Variants in TAPBPL observed in about 807,000 individuals in gnomAD.
The protein encoded by TAPBPL is TAP binding protein like, also known as tapasin-related protein.
In TAPBPL, 32 loss-of-function variants were observed where a neutral mutation model predicts 44.8. The observed-to-expected ratio is 0.71, with a 90% CI of 0.54 to 0.96. The LOEUF (loss-of-function observed/expected upper bound fraction) is 0.96, where lower values mean the gene tolerates loss of function less well. Among genes scored for constraint, TAPBPL ranks in the 40% least tolerant of loss-of-function variants. The pLI, the probability that TAPBPL is intolerant of heterozygous loss-of-function variation, is 0.00. For missense variants in TAPBPL, 520 were observed against 586.6 expected, an observed-to-expected ratio of 0.89 and a Z score of 1.17; for synonymous variants, 230 against 240.7, an observed-to-expected ratio of 0.96 and a Z score of 0.41.
downstream of TAPBPL, chr12:6,464,708 G>T: frequency 6.6e-7 from 1 of 1,507,886 alleles, no homozygotes. Context: ...GGGAAGGCTT[G>T]TCCATCAAAG....
In TAPBPL at chr12:6,452,061, C is replaced by A; in HGVS notation, c.-188C>A. 2 of 668,350 alleles carry A rather than the reference C, an allele frequency of 3.0e-6. No individual in the cohort carries two copies. The highest frequency in any genetic ancestry group is 5.2e-6 in the Non-Finnish European group (2 of 384,056). 41.4% of individuals were successfully genotyped at this position (668,350 alleles called of 1,614,324 possible). On this transcript the variant is annotated 5_prime_UTR_variant, in exon 1 of 7. Transcript: ENST00000266556. ...TGCTGCAGACGGCTTCACACAGGGA[C>A]GCGGGCTGCCATCTTGCTCTAAGTG...
Position 6,453,559 on chromosome 12 carries a change from T to A in TAPBPL, c.408T>A (p.Val136=), listed in dbSNP as rs1949621565. 1 of 1,614,068 alleles carries A rather than the reference T, an allele frequency of 6.2e-7. No individual in the cohort carries two copies. The highest frequency in any genetic ancestry group is 8.5e-7 in the Non-Finnish European group (1 of 1,180,036). ...TTCTCCAGATGACAGAGACCACTGT[T>A]AAGACAGCAGCTTGGTTCATGGCCA... The part of the protein sequence containing the change: ...RYFLQMTETT[V]KTAAWFMANM... The change falls in exon 3 of 7, where the codon GTT becomes GTA. Residue 136 remains valine (V), a synonymous_variant. Transcript: ENST00000266556. The surrounding 1 kb of genome is among the most constrained non-coding windows in gnomAD (Gnocchi z 4.8).
rs759912011 is a variant in TAPBPL, at chr12:6,457,729, C to T, written c.889C>T (p.Gln297Ter). 6.3e-7 allele frequency: 1 copy of T among 1,587,208 alleles called. No homozygotes were observed. ...TSLYRAQQII[Q>*]LNIQASPKVR... ...TCTGTACCGAGCTCAGCAGATCATC[C>T]AGCTCAACATCCAAGGTGAGGCCAG... Residue 297 changes from glutamine to a stop codon, truncating the protein, a stop_gained, in exon 4 of 7, where the codon CAG (glutamine) becomes TAG (stop). Coordinates refer to ENST00000266556, the MANE Select transcript of TAPBPL (RefSeq NM_018009.5). LOFTEE classifies it high-confidence loss of function.
At chr12:6,463,020 C>T (rs1949921512), downstream of TAPBPL, 1 of 1,548,370 alleles carries the variant, frequency 6.5e-7, no homozygotes, top group East Asian at 2.4e-5. The surrounding 1 kb of genome is among the most constrained non-coding windows in gnomAD (Gnocchi z 4.0). Flanking sequence ...GCATTCTCCG[C>T]TCTGTTCCCA....
chr12:6,463,548 T>C (rs1385348138), downstream of TAPBPL: 18 of 1,048,956 alleles, frequency 1.7e-5, no homozygotes, highest in Non-Finnish European at 2.1e-5. This position sits in a 1 kb window ranked among gnomAD's most constrained non-coding sequence, Gnocchi z 4.0. Context: ...AAGGAGTGGC[T>C]TCCTCTGAGC....
At chr12:6,464,715 A>G (rs761752803), downstream of TAPBPL, 71 of 1,510,030 alleles carry the variant, frequency 4.7e-5, no homozygotes, top group Non-Finnish European at 5.2e-5. Context: ...CTTGTCCATC[A>G]AAGAAATCCC....
chr12:6,470,220 G>A (rs1945735901), downstream of TAPBPL, among the ~76,000 whole-genome samples: 1 of 149,742 alleles, frequency 6.7e-6, no homozygotes, highest in African/African-American at 2.4e-5. Flanking sequence ...ACCACCCCCA[G>A]CCCCCGCCCT....
intron 5 of TAPBPL, 149 bp downstream of exon 5, chr12:6,459,096 A>C: frequency 1.1e-6 from 1 of 914,560 alleles, no homozygotes; most frequent in Non-Finnish European, 1.6e-6. Flanking sequence ...CTATTTTCCC[A>C]AGGCGGCAGC....
chr12:6,457,092 A>T (rs1425077915), intron 3 of TAPBPL, among the ~76,000 whole-genome samples: 1 of 152,172 alleles, frequency 6.6e-6, no homozygotes, highest in Admixed American at 6.5e-5. Context: ...TTTTTCTGCT[A>T]CTCTAGTAGT....
upstream of TAPBPL, chr12:6,451,976 AGGG>A (rs879747111): frequency 5.7e-6 from 3 of 525,960 alleles, no homozygotes; most frequent in African/African-American, 5.8e-5. Flanking sequence ...TGAAATCACC[AGGG>A]GATTTCCGGG....
At chr12:6,462,904 G>A, downstream of TAPBPL, 1 of 1,577,286 alleles carries the variant, frequency 6.3e-7, no homozygotes, top group Admixed American at 1.8e-5. Context: ...ATGGTTTTGA[G>A]CAATGAAATG....
chr12:6,467,013 TG>T (rs1268974327), downstream of TAPBPL: 2 of 170,804 alleles, frequency 1.2e-5, no homozygotes, highest in African/African-American at 4.8e-5. Flanking sequence ...TTTCTGCTTT[TG>T]CTTCTTCCAC....
downstream of TAPBPL, chr12:6,470,886 C>T (rs977126647): frequency 1.4e-5 from 5 of 348,890 alleles, no homozygotes; most frequent in Non-Finnish European, 2.6e-5. Flanking sequence ...GTGATCAATG[C>T]GACCATAGTT....
chr12:6,453,368 C>T lies in TAPBPL; in HGVS notation c.295+71C>T, dbSNP rs896208233. ...ACCAGGACAGCCCAGGTCCCGATTA[C>T]AGCCACACATACTGCCTCCCGTTGG... On this transcript the variant is annotated intron_variant, in intron 2 of 6. Transcript: ENST00000266556. This position sits in a 1 kb window ranked among gnomAD's most constrained non-coding sequence, Gnocchi z 4.8. 8 of 1,608,706 alleles carry T rather than the reference C, an allele frequency of 5.0e-6. No homozygotes were observed. In the African/African-American group the frequency reaches 9.4e-5, roughly 19 times the overall value.
chr12:6,462,339 ATACAAG>A, downstream of TAPBPL: 1 of 561,716 alleles, frequency 1.8e-6, no homozygotes. Flanking sequence ...TTATTACTCT[ATACAAG>A]TATGAGATCA....
At chr12:6,463,235 G>T (rs931434182), downstream of TAPBPL, 4 of 1,399,380 alleles carry the variant, frequency 2.9e-6, no homozygotes, top group Non-Finnish European at 3.7e-6. This position sits in a 1 kb window ranked among gnomAD's most constrained non-coding sequence, Gnocchi z 4.0. Flanking sequence ...ATATACTACA[G>T]GAAGAACAGA....
chr12:6,467,110 TCCAATTAAAC>T (rs1950041392), downstream of TAPBPL: 1 of 166,326 alleles, frequency 6.0e-6, no homozygotes, highest in African/African-American at 2.4e-5. Flanking sequence ...GAACTGTAAG[TCCAATTAAAC>T]CTCTTTTTCT....
At chr12:6,470,552 G>A, downstream of TAPBPL, 2 of 1,613,974 alleles carry the variant, frequency 1.2e-6, no homozygotes, top group Non-Finnish European at 1.7e-6. Context: ...GAGAGAGTGA[G>A]GGTCTGTTCC....
chr12:6,470,491 T>C, downstream of TAPBPL: 1 of 1,613,734 alleles, frequency 6.2e-7, no homozygotes, highest in Non-Finnish European at 8.5e-7. Context: ...GCGAGAGTTG[T>C]CAAGGAGGTG....
Sources: allele counts gnomAD v4.1 joint callset (sites outside exome capture counted in the v4.1 genomes callset), GRCh38; gene constraint gnomAD v4.1.1; non-coding constraint Gnocchi (gnomAD v3.1); transcripts MANE v1.5; gene names NCBI Gene and HGNC (gene_info 2026-07-23, HGNC 2026-07-21).